ROBO2: variants seen among roughly 807,000 people sequenced by gnomAD.
ROBO2 encodes roundabout guidance receptor 2, also known as roundabout homolog 2.
A neutral mutation model predicts 160.8 loss-of-function variants in ROBO2; 53 were observed. That is an observed-to-expected ratio of 0.33 (90% CI 0.26 to 0.41). The LOEUF (loss-of-function observed/expected upper bound fraction) is 0.41. ROBO2 is among the 10% of genes least tolerant of loss of function. The pLI, the probability that ROBO2 is intolerant of heterozygous loss-of-function variation, is 1.00. For missense variants in ROBO2, 1,577 were observed against 1,722.4 expected (o/e 0.92, Z 1.49); for synonymous variants, 664 against 611.7 (o/e 1.09, Z -1.26).
intron 2 of ROBO2, among the ~76,000 whole-genome samples, chr3:76,071,520 T>C (rs1205325530): frequency 6.6e-6 from 1 of 152,192 alleles, no homozygotes; most frequent in Non-Finnish European, 1.5e-5. Context: ...CAACCCGGTT[T>C]ATGTGCTTTG....
intron 4 of ROBO2, among the ~76,000 whole-genome samples, chr3:77,486,893 T>C (rs2085431345): frequency 6.6e-6 from 1 of 152,138 alleles, no homozygotes; most frequent in African/African-American, 2.4e-5. Flanking sequence ...CTGGAAGCTT[T>C]TTTCAAATGG....
chr3:76,223,405 C>CT (rs2107426098), intron 2 of ROBO2, among the ~76,000 whole-genome samples: 1 of 151,968 alleles, frequency 6.6e-6, no homozygotes, highest in East Asian at 2.0e-4. Context: ...AGGGAGGCCA[C>CT]TTTCACCCAG....
rs140667435 is a variant in ROBO2 at position 77,050,688 on chromosome 3, G to A, written c.61+9842G>A. Among the ~76,000 whole-genome samples, 78 of 145,680 alleles carry A rather than the reference G, an allele frequency of 5.4e-4. No individual in the cohort carries two copies. In the East Asian group the frequency reaches 0.012, roughly 22 times the overall value. On this transcript the variant is annotated intron_variant, in intron 1 of 25. Coordinates refer to ENST00000461745, the Ensembl canonical transcript of ROBO2. ...TTTTTTTTGCATTGTAATTGTTTTC[G>A]CATAATTTCAAGAGTTAAACAATAA...
chr3:77,146,102 A>G (rs1289627483), intron 2 of ROBO2, among the ~76,000 whole-genome samples: 1 of 152,144 alleles, frequency 6.6e-6, no homozygotes. Flanking sequence ...AGAGAAATCA[A>G]AAAGCCACCT....
At chr3:77,403,710 A>C (rs569384294) in intron 2 of ROBO2, among the ~76,000 whole-genome samples, 29 of 151,944 alleles carry the variant, frequency 1.9e-4, no homozygotes, top group Non-Finnish European at 5.9e-5. Flanking sequence ...TAGAGTGCAG[A>C]TATCTCTTTG....
intron 2 of ROBO2, among the ~76,000 whole-genome samples, chr3:75,985,537 A>T (rs1282373504): frequency 6.6e-6 from 1 of 151,628 alleles, no homozygotes; most frequent in Non-Finnish European, 1.5e-5. Context: ...TTTCAGCTGC[A>T]TAACAATCTT....
At chr3:76,217,060 G>A (rs1245178230) in intron 2 of ROBO2, among the ~76,000 whole-genome samples, 40 of 152,184 alleles carry the variant, frequency 2.6e-4, no homozygotes, top group Middle Eastern at 3.4e-3. Flanking sequence ...CTGAATGACT[G>A]CTGGGTACAT....
chr3:76,322,647 A>G (rs771133128), intron 2 of ROBO2, among the ~76,000 whole-genome samples: 10 of 152,176 alleles, frequency 6.6e-5, no homozygotes, highest in Non-Finnish European at 1.2e-4. Context: ...TTAATTTTAA[A>G]AAGAAGCGGC....
Position 76,927,227 on chromosome 3 carries a change from C to A in ROBO2, c.110-170787C>A, listed in dbSNP as rs143613301. On this transcript the variant is annotated intron_variant, in intron 2 of 26. Transcript: ENST00000487694. The stretch of plus-strand genomic sequence containing the variant: ...CTGTAAGTATCCACAGAACTAACAT[C>A]ATGAAATACATTCCCATAATGTTTG... 3.5e-4 allele frequency among the ~76,000 whole-genome samples: 53 copies of A among 152,194 alleles called. 1 individual carries two copies. In the East Asian group the frequency reaches 0.01, roughly 29 times the overall value.
intron 2 of ROBO2, among the ~76,000 whole-genome samples, chr3:77,300,072 A>G (rs1419018339): frequency 6.6e-6 from 1 of 152,200 alleles, no homozygotes; most frequent in Non-Finnish European, 1.5e-5. Context: ...TATGTACAAC[A>G]GGTCCATAAA....
chr3:77,219,245 C>T (rs956910952), intron 2 of ROBO2, among the ~76,000 whole-genome samples: 2 of 151,776 alleles, frequency 1.3e-5, no homozygotes, highest in African/African-American at 4.8e-5. Context: ...GCTGAGATTA[C>T]AGACAGGCGT....
intron 5 of ROBO2, among the ~76,000 whole-genome samples, chr3:77,516,861 G>C (rs2090074325): frequency 6.6e-6 from 1 of 151,514 alleles, no homozygotes; most frequent in African/African-American, 2.4e-5. Flanking sequence ...TATAATTGTT[G>C]CACTGGTAAC....
intron 2 of ROBO2, among the ~76,000 whole-genome samples, chr3:77,029,503 GTCT>G (rs555550218): frequency 1.3e-4 from 20 of 152,258 alleles, no homozygotes; most frequent in African/African-American, 4.8e-4. Context: ...AACGACTTAA[GTCT>G]TCTATTTGCT....
intron 2 of ROBO2, among the ~76,000 whole-genome samples, chr3:77,309,770 C>T (rs1428412587): frequency 2.6e-5 from 4 of 152,178 alleles, no homozygotes; most frequent in Admixed American, 2.0e-4. Context: ...CAAGAGGAAT[C>T]AAACATTTAC....
intron 2 of ROBO2, among the ~76,000 whole-genome samples, chr3:77,350,407 G>A (rs1039061135): frequency 1.3e-5 from 2 of 152,028 alleles, no homozygotes; most frequent in Non-Finnish European, 2.9e-5. Flanking sequence ...CCCTTACTTG[G>A]TTAATTGAAT....
intron 2 of ROBO2, among the ~76,000 whole-genome samples, chr3:77,440,265 T>C (rs2079776414): frequency 6.6e-6 from 1 of 152,206 alleles, no homozygotes; most frequent in Admixed American, 6.5e-5. Context: ...TGCTATCACG[T>C]ACTTATTGAA....
chr3:77,413,653 A>G (rs2076980047), intron 2 of ROBO2, among the ~76,000 whole-genome samples: 1 of 152,214 alleles, frequency 6.6e-6, no homozygotes, highest in African/African-American at 2.4e-5. Context: ...CGGAGAGGTT[A>G]AGAAGTAATT....
At chr3:76,688,208 G>A (rs1006895693) in intron 2 of ROBO2, among the ~76,000 whole-genome samples, 2 of 151,842 alleles carry the variant, frequency 1.3e-5, no homozygotes, top group Non-Finnish European at 2.9e-5. Context: ...ATCTATCATA[G>A]CATTTATTAA....
At chr3:77,445,510 CT>C (rs1325733322) in intron 2 of ROBO2, among the ~76,000 whole-genome samples, 1 of 151,958 alleles carries the variant, frequency 6.6e-6, no homozygotes, top group African/African-American at 2.4e-5. Flanking sequence ...TATATCGCAA[CT>C]AATAGTGACT....
Sources: allele counts gnomAD v4.1 joint callset (sites outside exome capture counted in the v4.1 genomes callset), GRCh38; gene constraint gnomAD v4.1.1; transcripts MANE v1.5; gene names NCBI Gene and HGNC (gene_info 2026-07-23, HGNC 2026-07-21).